MACROD2: variants seen among roughly 807,000 people sequenced by gnomAD.
The protein encoded by MACROD2 is mono-ADP ribosylhydrolase 2.
In MACROD2, 36 loss-of-function variants were observed where a neutral mutation model predicts 70.4. That is an observed-to-expected ratio of 0.51 (90% CI 0.39 to 0.68). The LOEUF is 0.68. Among genes scored for constraint, MACROD2 ranks in the 30% least tolerant of loss-of-function variants. The pLI is 0.00. For missense variants in MACROD2, 496 were observed against 538.4 expected, an observed-to-expected ratio of 0.92 and a Z score of 0.78; for synonymous variants, 172 against 178.8, an observed-to-expected ratio of 0.96 and a Z score of 0.30.
At chr20:14,773,133 C>G (rs2123773773) in intron 5 of MACROD2, among the ~76,000 whole-genome samples, 1 of 152,160 alleles carries the variant, frequency 6.6e-6, no homozygotes, top group Middle Eastern at 3.4e-3. Flanking sequence ...CACTGCCTCA[C>G]CCATGCTGCA....
At chr20:15,851,325 G>C (rs1000586323) in intron 8 of MACROD2, among the ~76,000 whole-genome samples, 1 of 151,894 alleles carries the variant, frequency 6.6e-6, no homozygotes, top group Non-Finnish European at 1.5e-5. Context: ...CCATCATAAA[G>C]TACCACAGAC....
intron 2 of MACROD2, among the ~76,000 whole-genome samples, chr20:14,083,719 A>G (rs544292599): frequency 6.6e-6 from 1 of 152,210 alleles, no homozygotes; most frequent in South Asian, 2.1e-4. Flanking sequence ...TATGTCATTA[A>G]CATACAAGTT....
chr20:14,569,292 C>T (rs998970462), intron 4 of MACROD2, among the ~76,000 whole-genome samples: 3 of 151,900 alleles, frequency 2.0e-5, no homozygotes, highest in Non-Finnish European at 4.4e-5. Flanking sequence ...ATCGTTAGCT[C>T]ACCTTCCATC....
At chr20:15,229,858 TA>T in intron 5 of MACROD2, 81 bp from the exon 6 acceptor site, 1 of 1,369,494 alleles carries the variant, frequency 7.3e-7, no homozygotes, top group Non-Finnish European at 9.6e-7. Context: ...CACAAATACC[TA>T]AAATAAATAA....
At chr20:14,697,806 A>G (rs1037597172) in intron 5 of MACROD2, among the ~76,000 whole-genome samples, 3 of 152,222 alleles carry the variant, frequency 2.0e-5, no homozygotes, top group African/African-American at 7.2e-5. Context: ...CGGTAGAGTC[A>G]CAATGACAGC....
chr20:15,905,252 T>G (rs551359973), intron 10 of MACROD2, among the ~76,000 whole-genome samples: 23 of 152,338 alleles, frequency 1.5e-4, no homozygotes, highest in Middle Eastern at 3.4e-3. Flanking sequence ...TGAGGAAACT[T>G]TCTTTTAAAA....
chr20:14,261,217 G>A (rs986382882), intron 3 of MACROD2, among the ~76,000 whole-genome samples: 5 of 152,160 alleles, frequency 3.3e-5, no homozygotes, highest in African/African-American at 1.2e-4. Context: ...GGAAGCTATT[G>A]TCAAGTAAAA....
chr20:14,045,831 C>T (rs1302047240), intron 2 of MACROD2, among the ~76,000 whole-genome samples: 1 of 152,012 alleles, frequency 6.6e-6, no homozygotes, highest in East Asian at 1.9e-4. Flanking sequence ...CCAGGTAGAT[C>T]TGAAAAAGAA....
At position 14,228,991 on chromosome 20, in the gene MACROD2, C is replaced by CAAA. The variant is rs11480896; in HGVS notation, c.271+143275_271+143277dup. Reference sequence around the variant, plus strand: ...TGCCACAGCACACCAGACTCTGTCTCAAAAAAAAAAAAAAGAAAAGAAAAA... The same window carrying CAAA: ...TGCCACAGCACACCAGACTCTGTCTCAAAAAAAAAAAAAAAAAGAAAAGAAAAA... On this transcript the variant is annotated intron_variant, in intron 3 of 17. Transcript: ENST00000684519. 1.4e-4 allele frequency among the ~76,000 whole-genome samples: 19 copies of CAAA among 134,966 alleles called. No homozygotes were observed. In the Middle Eastern group the frequency reaches 0.012, roughly 82 times the overall value. The allele number at this position is 134,966 out of a possible 152,430, so 88.5% of individuals were successfully genotyped here. A position where few individuals can be genotyped will look rare whatever the true frequency, so the allele number is the denominator to read the frequency against.
At chr20:14,679,911 T>C (rs1442646587) in intron 4 of MACROD2, among the ~76,000 whole-genome samples, 1 of 152,196 alleles carries the variant, frequency 6.6e-6, no homozygotes, top group Non-Finnish European at 1.5e-5. Flanking sequence ...CAACAGAAAT[T>C]GTTTATTGGC....
intron 3 of MACROD2, chr20:14,127,584 A>G: frequency 4.2e-6 from 2 of 477,536 alleles, no homozygotes; most frequent in Non-Finnish European, 7.9e-6. Flanking sequence ...TTGAGTAGGA[A>G]ACTGAAGGAA....
intron 2 of MACROD2, among the ~76,000 whole-genome samples, chr20:14,076,999 T>G (rs906589162): frequency 2.0e-5 from 3 of 152,224 alleles, no homozygotes; most frequent in Non-Finnish European, 4.4e-5. Flanking sequence ...TTTAACTTTT[T>G]TAGGTTTTTG....
intron 10 of MACROD2, among the ~76,000 whole-genome samples, chr20:15,904,880 CAAAAAAAAAAAAAA>C (rs10556594): frequency 7.8e-6 from 1 of 129,026 alleles, no homozygotes. Flanking sequence ...GACTCTGTCT[CAAAAAAAAAAAAAA>C]AAAAAAAAAA....
intron 6 of MACROD2, among the ~76,000 whole-genome samples, chr20:15,351,174 CT>C (rs1472120501): frequency 6.6e-6 from 1 of 152,120 alleles, no homozygotes; most frequent in African/African-American, 2.4e-5. Flanking sequence ...TTAAGCAACT[CT>C]TTTACAGTTA....
intron 5 of MACROD2, among the ~76,000 whole-genome samples, chr20:14,799,410 G>T (rs1416448618): frequency 6.6e-6 from 1 of 152,044 alleles, no homozygotes; most frequent in African/African-American, 2.4e-5. Flanking sequence ...TATGCAAATT[G>T]TAATGTTTTC....
At chr20:15,756,572 G>C (rs1039046338) in intron 8 of MACROD2, among the ~76,000 whole-genome samples, 1 of 152,132 alleles carries the variant, frequency 6.6e-6, no homozygotes, top group Non-Finnish European at 1.5e-5. Flanking sequence ...GTTAGTAAGA[G>C]AAAACATGAG....
In MACROD2 at chr20:14,864,634, T is replaced by C. The variant is rs141327862; in HGVS notation, c.418+179675T>C. Among the ~76,000 whole-genome samples the C allele has an allele frequency of 4.1e-3, 630 of 152,212 alleles. 8 individuals carry two copies. Among genetic ancestry groups the C allele is most frequent in the African/African-American group, 0.014 (586 of 41,546 alleles). On this transcript the variant is annotated intron_variant, in intron 5 of 17. Transcript: ENST00000684519. ...GTGTTGAACCGACGGACCTTGTCTT[T>C]AGAATAAAAAGACTTATAAACACTT...
chr20:14,846,344 C>T lies in MACROD2; in HGVS notation c.418+161385C>T, dbSNP rs1026988134. On this transcript the variant is annotated intron_variant, in intron 5 of 17. Transcript: ENST00000684519. Reference sequence around the variant, plus strand: ...ATTCAAGTGATTCTCATGCCTCAGCCTCCTGAGTAGCTGGAGTTACAGGCG... The same window carrying T: ...ATTCAAGTGATTCTCATGCCTCAGCTTCCTGAGTAGCTGGAGTTACAGGCG... 3.9e-4 allele frequency among the ~76,000 whole-genome samples: 59 copies of T among 152,206 alleles called. No homozygotes were observed. The Middle Eastern group carries it at 0.01, about 26-fold the overall frequency.
chr20:15,914,731 CAGGTGGCACAGATTA>C (rs1281116301), intron 10 of MACROD2, among the ~76,000 whole-genome samples: 1 of 152,150 alleles, frequency 6.6e-6, no homozygotes, highest in East Asian at 1.9e-4. Context: ...GAGTGAGCAT[CAGGTGGCACAGATTA>C]AGGACTCAGT....
Sources: allele counts gnomAD v4.1 joint callset (sites outside exome capture counted in the v4.1 genomes callset), GRCh38; gene constraint gnomAD v4.1.1; transcripts MANE v1.5; gene names NCBI Gene and HGNC (gene_info 2026-07-23, HGNC 2026-07-21).